Variants in IFIT3 observed in about 807,000 individuals in gnomAD.
IFIT3 encodes the protein interferon induced protein with tetratricopeptide repeats 3.
In IFIT3, 2 loss-of-function variants were observed where a neutral mutation model predicts 2.4. That is an observed-to-expected ratio of 0.82 (90% CI 0.34 to 2.60). IFIT3 has a LOEUF of 2.60. Among genes scored for constraint, IFIT3 ranks in the 30% most tolerant of loss-of-function variants. The probability of loss-of-function intolerance (pLI) is 0.11; values close to 1 mark genes in which losing one functional copy is unlikely to be tolerated. For synonymous variants in IFIT3, 203 were observed against 212.1 expected (o/e 0.96, Z 0.37); for missense variants, 481 against 562.4 (o/e 0.86, Z 1.46).
chr10:89,339,711 C>A lies in IFIT3; in HGVS notation c.1056C>A (p.Val352=). 1.2e-6 allele frequency: 2 copies of A among 1,614,138 alleles called. No homozygotes were observed. The highest frequency in any genetic ancestry group is 1.7e-6 in the Non-Finnish European group (2 of 1,180,010). Residue 352 remains valine (V), a synonymous_variant, in exon 2 of 2, where the codon GTC becomes GTA. Transcript: ENST00000371818. ...ECYQTPFNKE[V]PDAEKQQSHQ... Reference sequence around the variant, plus strand: ...ATCAGACACCATTCAATAAGGAAGTCCCTGATGCTGAAAAGCAACAATCCC... The same window carrying A: ...ATCAGACACCATTCAATAAGGAAGTACCTGATGCTGAAAAGCAACAATCCC...
intron 1 of IFIT3, among the ~76,000 whole-genome samples, chr10:89,330,200 G>A (rs1015625268): frequency 3.3e-5 from 5 of 152,288 alleles, no homozygotes; most frequent in African/African-American, 7.2e-5. Context: ...TGTTAAACAC[G>A]TTTTACGCAT....
intron 1 of IFIT3, chr10:89,332,615 C>G (rs753354892): frequency 9.9e-6 from 16 of 1,614,120 alleles, no homozygotes; most frequent in Non-Finnish European, 1.3e-5. Flanking sequence ...TGCAGGGAAA[C>G]AGCCATCATG....
At chr10:89,337,238 G>A (rs147340384) in intron 1 of IFIT3, among the ~76,000 whole-genome samples, 71 of 152,210 alleles carry the variant, frequency 4.7e-4, no homozygotes, top group African/African-American at 8.4e-4. Context: ...AGCACCTGGC[G>A]GGCAGAGAAG....
chr10:89,329,554 T>C (rs1395393633), intron 1 of IFIT3, among the ~76,000 whole-genome samples: 1 of 151,986 alleles, frequency 6.6e-6, no homozygotes, highest in Non-Finnish European at 1.5e-5. Flanking sequence ...ATTGGGCTGC[T>C]CCTCCCCAGT....
chr10:89,330,296 G>A (rs1271432750), intron 1 of IFIT3, among the ~76,000 whole-genome samples: 1 of 152,170 alleles, frequency 6.6e-6, no homozygotes, highest in African/African-American at 2.4e-5. Context: ...ACCAAAATGG[G>A]GCTTAGAAGG....
chr10:89,333,600 T>C (rs1044073331), intron 1 of IFIT3, among the ~76,000 whole-genome samples: 13 of 152,204 alleles, frequency 8.5e-5, no homozygotes, highest in African/African-American at 2.9e-4. Context: ...TTTGGGAGGC[T>C]GAGGCAAGAG....
chr10:89,334,783 G>A (rs1225922487), intron 1 of IFIT3, among the ~76,000 whole-genome samples: 1 of 151,826 alleles, frequency 6.6e-6, no homozygotes, highest in Non-Finnish European at 1.5e-5. Flanking sequence ...GAGCCACCGC[G>A]CCCGGCCACC....
At chr10:89,329,346 G>T (rs939836497) in intron 1 of IFIT3, among the ~76,000 whole-genome samples, 1 of 152,196 alleles carries the variant, frequency 6.6e-6, no homozygotes, top group Admixed American at 6.5e-5. Flanking sequence ...GATGTTAATT[G>T]TGTCTGTGTG....
At position 89,338,958 on chromosome 10, in the gene IFIT3, C is replaced by A. The variant is rs776619590; in HGVS notation, c.303C>A (p.Ala101=). 9.3e-6 allele frequency: 15 copies of A among 1,614,152 alleles called. No individual in the cohort carries two copies. The Admixed American group carries it at 2.2e-4, about 23-fold the overall frequency. Residue 101 remains alanine (A), a synonymous_variant, in exon 2 of 2, where the codon GCC becomes GCA. Transcript: ENST00000371818. The part of the protein sequence containing the change: ...IRSLVTWGNY[A]WVYYHLGRLS... Reference sequence around the variant, plus strand: ...GTCTAGTCACTTGGGGAAACTACGCCTGGGTCTACTATCACTTGGGCAGAC... The same window carrying A: ...GTCTAGTCACTTGGGGAAACTACGCATGGGTCTACTATCACTTGGGCAGAC...
chr10:89,338,900 A>G lies in IFIT3; in HGVS notation c.245A>G (p.Gln82Arg). 1.9e-6 allele frequency: 3 copies of G among 1,614,230 alleles called. No individual in the cohort carries two copies. Among genetic ancestry groups the G allele is most frequent in the South Asian group, 2.2e-5 (2 of 91,080 alleles). The part of the protein sequence containing the change: ...ECLRQAEELI[Q>R]QEHADQAEIR... ...TTACGGCAAGCTGAAGAGTTAATCCAGCAAGAACATGCTGACCAAGCAGAA... is the reference window on the plus strand; with the variant it reads ...TTACGGCAAGCTGAAGAGTTAATCCGGCAAGAACATGCTGACCAAGCAGAA... The change falls in exon 2 of 2, where the codon CAG becomes CGG. Residue 82 changes from glutamine to arginine, a missense_variant. Coordinates refer to ENST00000371818, the MANE Select transcript of IFIT3 (RefSeq NM_001549.6).
In IFIT3 at chr10:89,339,370, T is replaced by C. The variant is rs1277572844; in HGVS notation, c.715T>C (p.Cys239Arg). The change falls in exon 2 of 2, where the codon TGC (cysteine) becomes CGC (arginine). Residue 239 changes from cysteine to arginine, a missense_variant. Coordinates refer to ENST00000371818, the MANE Select transcript of IFIT3 (RefSeq NM_001549.6). ...TGAAGAAGCCTTGGAAAAGTCTCCTTGCCAAACAGATGTCCTCCGCAGTGC... is the reference window on the plus strand; with the variant it reads ...TGAAGAAGCCTTGGAAAAGTCTCCTCGCCAAACAGATGTCCTCCGCAGTGC... ...FVEEALEKSPCQTDVLRSAAK... is the reference protein window; with the variant it reads ...FVEEALEKSPRQTDVLRSAAK... The C allele has an allele frequency of 1.2e-6, 2 of 1,613,870 alleles. No individual in the cohort carries two copies. Among genetic ancestry groups the C allele is most frequent in the Non-Finnish European group, 1.7e-6 (2 of 1,179,968 alleles).
rs1239282497 is a variant in IFIT3, at chr10:89,340,211, CTGGGATTG to C, written c.*84_*91del. On this transcript the variant is annotated 3_prime_UTR_variant, in exon 2 of 2. Transcript: ENST00000371818. Reference sequence around the variant, plus strand: ...CGATAGGAAGACAGGGGGCCCCAACCTGGGATTGCTGAGCAGGGAAGCTTTGCATGTTG... The same window carrying C: ...CGATAGGAAGACAGGGGGCCCCAACCCTGAGCAGGGAAGCTTTGCATGTTG... The C allele has an allele frequency of 3.6e-6, 5 of 1,385,930 alleles. No individual in the cohort carries two copies. Among genetic ancestry groups the C allele is most frequent in the Non-Finnish European group, 4.9e-6 (5 of 1,030,184 alleles). 85.9% of individuals were successfully genotyped at this position (1,385,930 alleles called of 1,614,324 possible).
Position 89,335,777 on chromosome 10 carries a change from C to T in IFIT3, c.6-2884C>T, listed in dbSNP as rs183029808. On this transcript the variant is annotated intron_variant, in intron 1 of 1. Coordinates refer to ENST00000371818, the MANE Select transcript of IFIT3 (RefSeq NM_001549.6). ...TGAGACTCACACTTTCTCCTTTTAA[C>T]CTTCCTAATTCACACATCAGCAAAG... Among the ~76,000 whole-genome samples the T allele has an allele frequency of 6.6e-5, 10 of 152,284 alleles. No individual in the cohort carries two copies. In the East Asian group the frequency reaches 1.4e-3, roughly 21 times the overall value.
At chr10:89,331,983 A>G (rs2133544080) in intron 1 of IFIT3, among the ~76,000 whole-genome samples, 1 of 152,216 alleles carries the variant, frequency 6.6e-6, no homozygotes, top group Non-Finnish European at 1.5e-5. Flanking sequence ...CTATAATCCC[A>G]GCACTTTGGG....
In IFIT3 at chr10:89,339,018, AC is replaced by A. The variant is rs1289297984; in HGVS notation, c.364del (p.Gln122LysfsTer26). Reference sequence around the variant, plus strand: ...CTCAGATTTATGTAGATAAGGTGAAACAAACCTGCAAGAAATTTTCAAATCC... The same window carrying A: ...CTCAGATTTATGTAGATAAGGTGAAAAAACCTGCAAGAAATTTTCAAATCC... ...DAQIYVDKVK[Q>X]TCKKFSNPYS... On this transcript the variant is annotated frameshift_variant, in exon 2 of 2. Transcript: ENST00000371818. LOFTEE classifies it low-confidence loss of function (END_TRUNC). 2 of 1,614,192 alleles carry A rather than the reference AC, an allele frequency of 1.2e-6. No individual in the cohort carries two copies. The highest frequency in any genetic ancestry group is 3.3e-5 in the Admixed American group (2 of 60,024).
At chr10:89,337,457 T>C (rs889605016) in intron 1 of IFIT3, among the ~76,000 whole-genome samples, 2 of 152,204 alleles carry the variant, frequency 1.3e-5, no homozygotes, top group Non-Finnish European at 2.9e-5. Flanking sequence ...TGGAGTGTAA[T>C]GGTGTGATCT....
chr10:89,335,218 T>C (rs1480274690), intron 1 of IFIT3: 1 of 152,204 alleles, frequency 6.6e-6, no homozygotes, highest in South Asian at 2.1e-4. Context: ...TAAAGCCACA[T>C]GAGTAGTTGA....
chr10:89,339,756 T>G lies in IFIT3; in HGVS notation c.1101T>G (p.Leu367=). 6.2e-7 allele frequency: 1 copy of G among 1,614,060 alleles called. No individual in the cohort carries two copies. The highest frequency in any genetic ancestry group is 8.5e-7 in the Non-Finnish European group (1 of 1,180,004). ...AATCCCATCAGCGCTACTGCAACCT[T>G]CAGAAATATAATGGGAAGTCTGAAG... ...KQQSHQRYCN[L]QKYNGKSEDT... is the part of the protein sequence containing the mutation. The change falls in exon 2 of 2, where the codon CTT becomes CTG. Residue 367 remains leucine (L), a synonymous_variant. Coordinates refer to ENST00000371818, the MANE Select transcript of IFIT3 (RefSeq NM_001549.6).
Position 89,340,463 on chromosome 10 carries a change from C to T in IFIT3, c.*335C>T. 6.3e-6 allele frequency: 1 copy of T among 158,534 alleles called. No individual in the cohort carries two copies. Among genetic ancestry groups the T allele is most frequent in the South Asian group, 1.7e-4 (1 of 6,028 alleles). 9.8% of individuals were successfully genotyped at this position (158,534 alleles called of 1,614,324 possible). A position where few individuals can be genotyped will look rare whatever the true frequency, so the allele number is the denominator to read the frequency against. ...GTCCCAGCTACTTGGGAGGCTGAGGCAGGAGAATGGCGTGAACCTGGAAGG... is the reference window on the plus strand; with the variant it reads ...GTCCCAGCTACTTGGGAGGCTGAGGTAGGAGAATGGCGTGAACCTGGAAGG... On this transcript the variant is annotated 3_prime_UTR_variant, in exon 2 of 2. Coordinates refer to ENST00000371818, the MANE Select transcript of IFIT3 (RefSeq NM_001549.6).
Sources: gnomAD v4.1 joint callset for allele counts (sites outside exome capture counted in the v4.1 genomes callset) on GRCh38, gnomAD v4.1.1 for gene constraint, MANE v1.5 for transcripts, NCBI Gene and HGNC (gene_info 2026-07-23, HGNC 2026-07-21) for gene names.